Variants in C12orf56 observed in about 807,000 individuals in gnomAD.
C12orf56 encodes chromosome 12 open reading frame 56.
Under a neutral mutation model 69.9 loss-of-function variants are expected in C12orf56, and 71 were observed. The observed-to-expected ratio is 1.02, with a 90% CI of 0.84 to 1.24. The LOEUF (loss-of-function observed/expected upper bound fraction) is 1.24. Among genes scored for constraint, C12orf56 ranks in the 50% most tolerant of loss-of-function variants. C12orf56 has a pLI of 0.00. For missense variants in C12orf56, 732 were observed against 738.5 expected, an observed-to-expected ratio of 0.99 and a Z score of 0.10; for synonymous variants, 276 against 274.1, an observed-to-expected ratio of 1.01 and a Z score of -0.07.
At chr12:64,370,854 T>C (rs2039560717) in intron 1 of C12orf56, among the ~76,000 whole-genome samples, 1 of 151,616 alleles carries the variant, frequency 6.6e-6, no homozygotes, top group African/African-American at 2.4e-5. Context: ...TGGAAGAGAA[T>C]AGAGAGCCCA....
intron 2 of C12orf56, among the ~76,000 whole-genome samples, chr12:64,331,357 TGA>T (rs1378927793): frequency 6.6e-6 from 1 of 152,014 alleles, no homozygotes; most frequent in Non-Finnish European, 1.5e-5. Flanking sequence ...AAATATTAGC[TGA>T]GTGTGGTGGT....
At chr12:64,373,786 G>A (rs1413514180) in intron 1 of C12orf56, among the ~76,000 whole-genome samples, 1 of 151,974 alleles carries the variant, frequency 6.6e-6, no homozygotes, top group African/African-American at 2.4e-5. Flanking sequence ...TTTTTTTAGG[G>A]GGTTAAAATT....
chr12:64,305,456 A>C (rs2038498531), intron 5 of C12orf56, among the ~76,000 whole-genome samples: 1 of 152,132 alleles, frequency 6.6e-6, no homozygotes, highest in African/African-American at 2.4e-5. Context: ...ATCTTGGCTC[A>C]CCGCAACCTC....
At chr12:64,357,903 A>AAAAAAG (rs373162011) in intron 1 of C12orf56, among the ~76,000 whole-genome samples, 4,427 of 150,386 alleles carry the variant, frequency 0.029, 222 homozygotes, top group African/African-American at 0.099. Flanking sequence ...CCATCTCAAA[A>AAAAAAG]AAAAAGAAAA....
At chr12:64,367,931 C>T (rs1171330286) in intron 1 of C12orf56, among the ~76,000 whole-genome samples, 13 of 151,666 alleles carry the variant, frequency 8.6e-5, no homozygotes, top group Admixed American at 2.0e-4. Context: ...CCTCAGACTC[C>T]GGAGTAGCTG....
chr12:64,287,200 C>T (rs1274741614), intron 6 of C12orf56, among the ~76,000 whole-genome samples: 3 of 139,800 alleles, frequency 2.1e-5, no homozygotes, highest in East Asian at 2.2e-4. Context: ...GCTGGGATTG[C>T]GCCACTGCAC....
intron 1 of C12orf56, among the ~76,000 whole-genome samples, chr12:64,364,110 C>T (rs1487678038): frequency 6.6e-6 from 1 of 151,572 alleles, no homozygotes; most frequent in Non-Finnish European, 1.5e-5. Flanking sequence ...CCCAGGAGTT[C>T]CAGACTGGCC....
At chr12:64,378,362 T>C (rs2039668385) in intron 1 of C12orf56, among the ~76,000 whole-genome samples, 1 of 152,150 alleles carries the variant, frequency 6.6e-6, no homozygotes, top group African/African-American at 2.4e-5. Context: ...TCATGGTGAA[T>C]AAGCAAACAT....
intron 3 of C12orf56, among the ~76,000 whole-genome samples, chr12:64,322,433 TTC>T (rs2038785235): frequency 8.4e-6 from 1 of 119,030 alleles, no homozygotes; most frequent in South Asian, 2.6e-4. Context: ...TTTTTATGTC[TTC>T]TATTTCTTGC....
intron 1 of C12orf56, among the ~76,000 whole-genome samples, chr12:64,369,037 G>T (rs1213949430): frequency 1.3e-5 from 2 of 151,738 alleles, no homozygotes; most frequent in Non-Finnish European, 2.9e-5. Context: ...AACTACATAG[G>T]GCTCAGCATC....
intron 1 of C12orf56, 68 bp downstream of exon 1, chr12:64,390,246 G>A (rs1369898422): frequency 2.0e-6 from 3 of 1,507,310 alleles, no homozygotes; most frequent in Non-Finnish European, 2.6e-6. Context: ...AGGAGGGCTG[G>A]GTTTGGGGGC....
At chr12:64,316,950 G>A (rs2038698313) in intron 4 of C12orf56, among the ~76,000 whole-genome samples, 1 of 152,128 alleles carries the variant, frequency 6.6e-6, no homozygotes, top group Non-Finnish European at 1.5e-5. Flanking sequence ...TAATTTAAAA[G>A]TATTGCTAAA....
Position 64,377,758 on chromosome 12 carries a change from G to A in C12orf56, c.252+12556C>T, listed in dbSNP as rs527391332. Among the ~76,000 whole-genome samples the A allele has an allele frequency of 2.4e-3, 364 of 152,202 alleles. 2 individuals are homozygous for A. Among genetic ancestry groups the A allele is most frequent in the African/African-American group, 8.3e-3 (345 of 41,528 alleles). ...TTCAATTCACCATAAGTATTTTTGA[G>A]CTCTTACTACAAAGGCCAAAACTGA... On this transcript the variant is annotated intron_variant, in intron 1 of 12. Coordinates refer to ENST00000543942, the MANE Select transcript of C12orf56 (RefSeq NM_001170633.2).
chr12:64,347,406 C>T (rs764998094), intron 2 of C12orf56, among the ~76,000 whole-genome samples: 1 of 151,586 alleles, frequency 6.6e-6, no homozygotes, highest in Non-Finnish European at 1.5e-5. Flanking sequence ...CTACCTCAGT[C>T]TCCTGAGTAG....
intron 1 of C12orf56, among the ~76,000 whole-genome samples, chr12:64,357,682 A>T (rs534699824): frequency 5.2e-4 from 79 of 152,232 alleles, no homozygotes; most frequent in Middle Eastern, 3.4e-3. Flanking sequence ...GGATCATTTG[A>T]GATCAGGAGT....
chr12:64,360,790 G>A (rs1277258064), intron 1 of C12orf56, among the ~76,000 whole-genome samples: 3 of 152,122 alleles, frequency 2.0e-5, no homozygotes, highest in African/African-American at 7.2e-5. Flanking sequence ...ATATATACCT[G>A]AAAATAATTT....
chr12:64,355,709 T>C (rs2039301991), intron 1 of C12orf56: 1 of 152,212 alleles, frequency 6.6e-6, no homozygotes, highest in African/African-American at 2.4e-5. Context: ...CATTGGCTAC[T>C]TGAGCATTAT....
rs373198342 is a variant in C12orf56, at chr12:64,345,756, C to T, written c.415+7138G>A. ...TCATTTTCTTTCATCACTTTGTCTGCAGAATTTAGGAGCAACCAACAAGCT... is the reference window on the plus strand; with the variant it reads ...TCATTTTCTTTCATCACTTTGTCTGTAGAATTTAGGAGCAACCAACAAGCT... On this transcript the variant is annotated intron_variant, in intron 2 of 12. Transcript: ENST00000543942. Among the ~76,000 whole-genome samples the T allele has an allele frequency of 1.1e-3, 164 of 152,250 alleles. 2 individuals carry two copies. Among genetic ancestry groups the T allele is most frequent in the African/African-American group, 3.7e-3 (154 of 41,550 alleles).
Position 64,308,889 on chromosome 12 carries a change from G to GAAGAAAGAAAGAAAGA in C12orf56, c.968+3774_968+3789dup, listed in dbSNP as rs1173081507. Among the ~76,000 whole-genome samples, 14 of 69,324 alleles carry GAAGAAAGAAAGAAAGA rather than the reference G, an allele frequency of 2.0e-4. 1 individual carries two copies. Among genetic ancestry groups the GAAGAAAGAAAGAAAGA allele is most frequent in the Non-Finnish European group, 2.6e-4 (10 of 38,108 alleles). The allele number at this position is 69,324 out of a possible 152,430, so 45.5% of individuals were successfully genotyped here. A position where few individuals can be genotyped will look rare whatever the true frequency, so the allele number is the denominator to read the frequency against. ...AGAAAAGAAAGAAAGAAACAGAAAG[G>GAAGAAAGAAAGAAAGA]AAGAAAGAAAGAAAGAAAGAAAGAA... On this transcript the variant is annotated intron_variant, in intron 5 of 12. Transcript: ENST00000543942.
Sources: allele counts gnomAD v4.1 joint callset (sites outside exome capture counted in the v4.1 genomes callset), GRCh38; gene constraint gnomAD v4.1.1; transcripts MANE v1.5; gene names NCBI Gene and HGNC (gene_info 2026-07-23, HGNC 2026-07-21).